The following RANBP2 variants were observed in gnomAD, a reference collection of about 807,000 sequenced individuals.
The protein encoded by RANBP2 is E3 SUMO-protein ligase RanBP2.
In RANBP2, 57 loss-of-function variants were observed where a neutral mutation model predicts 303.6. The ratio of observed to expected loss-of-function variants is 0.19; its 90% CI spans 0.15 to 0.23. The LOEUF is 0.23. Ranked by LOEUF, RANBP2 falls within the 10% of genes least tolerant of loss-of-function variation. The probability of loss-of-function intolerance (pLI) is 1.00; values close to 1 mark genes in which losing one functional copy is unlikely to be tolerated. For synonymous variants in RANBP2, 1,167 were observed against 1,301.5 expected, an observed-to-expected ratio of 0.90 and a Z score of 2.23; for missense variants, 3,138 against 3,780.8, an observed-to-expected ratio of 0.83 and a Z score of 4.46.
chr2:109,590,058 A>G, the RANBP2 span, among the ~76,000 whole-genome samples: 1 of 146,896 alleles, frequency 6.8e-6, no homozygotes, highest in Non-Finnish European at 1.5e-5. Context: ...ATGTGTGTGT[A>G]TATATATACA....
chr2:108,768,672 A>T (rs826583), intron 20 of RANBP2, among the ~76,000 whole-genome samples: 3 of 151,910 alleles, frequency 2.0e-5, no homozygotes, highest in African/African-American at 7.3e-5. Context: ...TGAATCATGC[A>T]CATTAACGTG....
the RANBP2 span, among the ~76,000 whole-genome samples, chr2:108,976,237 C>T: frequency 6.6e-6 from 1 of 152,212 alleles, no homozygotes; most frequent in Non-Finnish European, 1.5e-5. Flanking sequence ...TTTTTGATGA[C>T]TCAGAAGTTT....
the RANBP2 span, chr2:108,812,844 C>A: frequency 6.2e-7 from 1 of 1,612,604 alleles, no homozygotes; most frequent in Non-Finnish European, 8.5e-7. Flanking sequence ...TATGACAATA[C>A]AGAGATTGAA....
chr2:109,057,375 T>G, the RANBP2 span, among the ~76,000 whole-genome samples: 1 of 152,254 alleles, frequency 6.6e-6, no homozygotes, highest in African/African-American at 2.4e-5. Context: ...TATCTCAGAT[T>G]ATTTCCAATG....
At chr2:109,038,889 C>G in the RANBP2 span, among the ~76,000 whole-genome samples, 1 of 152,092 alleles carries the variant, frequency 6.6e-6, no homozygotes, top group Admixed American at 6.6e-5. Context: ...AGTGGTATCT[C>G]TTTGTAGTTT....
At chr2:109,615,704 C>G in the RANBP2 span, 101 of 1,613,862 alleles carry the variant, frequency 6.3e-5, no homozygotes, top group South Asian at 1.1e-3. Flanking sequence ...GGGAAAGCGC[C>G]GCGGGTAGCG....
At chr2:108,762,861 G>T (rs1676829823) in intron 19 of RANBP2, among the ~76,000 whole-genome samples, 1 of 151,966 alleles carries the variant, frequency 6.6e-6, no homozygotes, top group African/African-American at 2.4e-5. Flanking sequence ...AATGAAGAAG[G>T]TATTTATTTT....
chr2:108,725,093 C>T (rs1264581735), intron 1 of RANBP2, among the ~76,000 whole-genome samples: 1 of 152,170 alleles, frequency 6.6e-6, no homozygotes, highest in East Asian at 1.9e-4. Context: ...TAGGGTCTTA[C>T]TGTTCCTGTT....
chr2:109,569,880 G>C, the RANBP2 span, among the ~76,000 whole-genome samples: 4 of 152,068 alleles, frequency 2.6e-5, no homozygotes, highest in African/African-American at 7.2e-5. Context: ...TCAAGCAGTC[G>C]AATGTTCTGC....
the RANBP2 span, among the ~76,000 whole-genome samples, chr2:109,033,315 C>T: frequency 5.3e-5 from 8 of 152,316 alleles, no homozygotes; most frequent in East Asian, 1.4e-3. Context: ...AATGCACGGG[C>T]CCAGTCCCCT....
chr2:108,968,624 C>A, the RANBP2 span, among the ~76,000 whole-genome samples: 3 of 152,244 alleles, frequency 2.0e-5, no homozygotes, highest in Non-Finnish European at 4.4e-5. Flanking sequence ...GTTCTCTTTT[C>A]TTCCTAGCTA....
the RANBP2 span, among the ~76,000 whole-genome samples, chr2:109,345,782 A>C: frequency 6.6e-6 from 1 of 152,184 alleles, no homozygotes; most frequent in African/African-American, 2.4e-5. Flanking sequence ...AATTTAACCA[A>C]ACAGGCTGGG....
the RANBP2 span, among the ~76,000 whole-genome samples, chr2:109,106,903 T>C: frequency 2.7e-5 from 4 of 150,846 alleles, no homozygotes; most frequent in Non-Finnish European, 4.4e-5. Flanking sequence ...ACACTGCTCC[T>C]GCTTATAACT....
At chr2:109,445,022 T>G in the RANBP2 span, among the ~76,000 whole-genome samples, 2 of 152,038 alleles carry the variant, frequency 1.3e-5, no homozygotes, top group Admixed American at 6.6e-5. Context: ...AATTTGAAAT[T>G]TTGGAGAGGA....
the RANBP2 span, among the ~76,000 whole-genome samples, chr2:109,412,395 T>C: frequency 6.6e-6 from 1 of 152,244 alleles, no homozygotes; most frequent in Non-Finnish European, 1.5e-5. Context: ...TGTGCTTTGC[T>C]TGTGCTATGC....
the RANBP2 span, among the ~76,000 whole-genome samples, chr2:109,250,090 CTT>C: frequency 1.5e-3 from 208 of 134,850 alleles, 1 homozygote; most frequent in African/African-American, 4.8e-3. Flanking sequence ...GTAGGTGTTC[CTT>C]TTTTTTTTTT....
the RANBP2 span, among the ~76,000 whole-genome samples, chr2:109,082,596 G>A: frequency 2.6e-5 from 4 of 151,362 alleles, no homozygotes; most frequent in African/African-American, 9.7e-5. Flanking sequence ...ACCACACCCG[G>A]CCTAGCACCC....
At chr2:109,645,611 C>G in the RANBP2 span, among the ~76,000 whole-genome samples, 139 of 152,286 alleles carry the variant, frequency 9.1e-4, 1 homozygote, top group Admixed American at 9.2e-4. Flanking sequence ...CTGAGAGGTG[C>G]GACAGGCTCA....
At chr2:108,888,308 G>A in the RANBP2 span, among the ~76,000 whole-genome samples, 1 of 152,040 alleles carries the variant, frequency 6.6e-6, no homozygotes, top group Non-Finnish European at 1.5e-5. Flanking sequence ...TCATTCACCA[G>A]GGATATTGGC....
Sources: gnomAD v4.1 joint callset for allele counts (sites outside exome capture counted in the v4.1 genomes callset) on GRCh38, gnomAD v4.1.1 for gene constraint, MANE v1.5 for transcripts, NCBI Gene and HGNC (gene_info 2026-07-23, HGNC 2026-07-21) for gene names.